The following RBFOX1 variants were observed in gnomAD, a reference collection of about 807,000 sequenced individuals.
The protein encoded by RBFOX1 is RNA binding fox-1 homolog 1.
A neutral mutation model predicts 57.7 loss-of-function variants in RBFOX1; 8 were observed. The ratio of observed to expected loss-of-function variants is 0.14; its 90% CI spans 0.08 to 0.25. RBFOX1 has a LOEUF of 0.25. RBFOX1 is among the 10% of genes least tolerant of loss of function. The pLI, the probability that RBFOX1 is intolerant of heterozygous loss-of-function variation, is 1.00. For missense variants in RBFOX1, 611 were observed against 548.5 expected (o/e 1.11, Z -1.14); for synonymous variants, 326 against 222.4 (o/e 1.47, Z -4.15).
intron 3 of RBFOX1, among the ~76,000 whole-genome samples, chr16:7,021,554 A>G (rs940095015): frequency 4.8e-5 from 7 of 145,206 alleles, no homozygotes; most frequent in Non-Finnish European, 9.1e-5. Flanking sequence ...TTTTATATTT[A>G]TAAAATATAT....
chr16:7,409,696 C>G (rs913061160), intron 4 of RBFOX1, among the ~76,000 whole-genome samples: 1 of 152,160 alleles, frequency 6.6e-6, no homozygotes, highest in Non-Finnish European at 1.5e-5. Flanking sequence ...TTCCCTTAAC[C>G]CCATCACCAC....
intron 2 of RBFOX1, among the ~76,000 whole-genome samples, chr16:5,527,102 A>T (rs2044278247): frequency 6.6e-6 from 1 of 152,208 alleles, no homozygotes; most frequent in Non-Finnish European, 1.5e-5. Flanking sequence ...CAGTCTGGAA[A>T]GAATTAGGTG....
chr16:6,334,924 T>A (rs1358511556), intron 2 of RBFOX1, among the ~76,000 whole-genome samples: 1 of 152,206 alleles, frequency 6.6e-6, no homozygotes, highest in Non-Finnish European at 1.5e-5. Flanking sequence ...GGTTGGTGAA[T>A]GCATTTTAAG....
chr16:7,611,634 C>G (rs920093802), intron 10 of RBFOX1, among the ~76,000 whole-genome samples: 1 of 151,688 alleles, frequency 6.6e-6, no homozygotes, highest in Admixed American at 6.6e-5. Context: ...TTTGACTCCC[C>G]GAGTATGTTT....
At chr16:6,199,392 T>C (rs968454200) in intron 1 of RBFOX1, among the ~76,000 whole-genome samples, 4 of 152,176 alleles carry the variant, frequency 2.6e-5, no homozygotes, top group Non-Finnish European at 4.4e-5. Context: ...GCTGTGACCA[T>C]AGTCTCCCAA....
At chr16:5,738,570 G>T (rs983979132) in intron 3 of RBFOX1, among the ~76,000 whole-genome samples, 3 of 148,034 alleles carry the variant, frequency 2.0e-5, no homozygotes, top group Non-Finnish European at 3.0e-5. Flanking sequence ...GGAGGTGAAG[G>T]TTGCCATGTG....
chr16:6,017,494 A>G (rs528722629), upstream of RBFOX1, among the ~76,000 whole-genome samples: 24 of 152,170 alleles, frequency 1.6e-4, 1 homozygote, highest in Admixed American at 3.3e-4. Context: ...TTTTGCTATC[A>G]CTGAAGGATG....
chr16:6,947,596 G>C (rs1037767757), intron 3 of RBFOX1, among the ~76,000 whole-genome samples: 1 of 152,218 alleles, frequency 6.6e-6, no homozygotes, highest in Admixed American at 6.5e-5. Context: ...GCTGCCTCCT[G>C]CCTTGCGTAG....
intron 4 of RBFOX1, among the ~76,000 whole-genome samples, chr16:7,184,930 G>C (rs1299064240): frequency 8.5e-5 from 13 of 152,124 alleles, no homozygotes; most frequent in African/African-American, 3.1e-4. Context: ...GGTGCCCAAA[G>C]TACGTTTGAT....
intron 2 of RBFOX1, among the ~76,000 whole-genome samples, chr16:5,590,652 T>C (rs1361407381): frequency 6.6e-6 from 1 of 152,164 alleles, no homozygotes; most frequent in African/African-American, 2.4e-5. Context: ...TGAGGAACCA[T>C]ATGGGTGGAG....
intron 1 of RBFOX1, among the ~76,000 whole-genome samples, chr16:5,250,585 A>G (rs58339509): frequency 0.3 from 45,573 of 152,154 alleles, 7,240 homozygotes; most frequent in South Asian, 0.42. Flanking sequence ...GTATTTGCAC[A>G]TAAGTGCTTA....
intron 2 of RBFOX1, among the ~76,000 whole-genome samples, chr16:5,538,050 C>A (rs576561785): frequency 6.6e-6 from 1 of 152,230 alleles, no homozygotes; most frequent in African/African-American, 2.4e-5. Flanking sequence ...TGGTGACACA[C>A]GAGCCTGGAG....
At chr16:5,433,767 G>T (rs1172010422) in intron 1 of RBFOX1, among the ~76,000 whole-genome samples, 7 of 152,160 alleles carry the variant, frequency 4.6e-5, no homozygotes, top group African/African-American at 1.4e-4. Flanking sequence ...GTAGCGTAAG[G>T]TGTCAGGCCC....
At chr16:6,778,725 T>G (rs572129622) in intron 3 of RBFOX1, among the ~76,000 whole-genome samples, 1 of 152,204 alleles carries the variant, frequency 6.6e-6, no homozygotes, top group South Asian at 2.1e-4. Context: ...CTAGATTGTC[T>G]TCCTGAGTCT....
chr16:5,244,301 G>A (rs1420507620), intron 1 of RBFOX1, among the ~76,000 whole-genome samples: 2 of 152,234 alleles, frequency 1.3e-5, no homozygotes, highest in Admixed American at 1.3e-4. Context: ...CTGGTGCGGT[G>A]CAGAGCAGAA....
chr16:7,588,668 G>A (rs1007116851), intron 7 of RBFOX1, among the ~76,000 whole-genome samples: 40 of 152,286 alleles, frequency 2.6e-4, no homozygotes, highest in African/African-American at 8.9e-4. Context: ...TCGGTATCAC[G>A]GAGGGTCAGT....
chr16:5,750,619 C>T (rs568270636), intron 3 of RBFOX1, among the ~76,000 whole-genome samples: 1 of 152,270 alleles, frequency 6.6e-6, no homozygotes, highest in African/African-American at 2.4e-5. Flanking sequence ...TCTCAGACGG[C>T]TGTGCTAGCA....
intron 1 of RBFOX1, among the ~76,000 whole-genome samples, chr16:6,069,041 G>A (rs981549788): frequency 9.2e-5 from 14 of 152,080 alleles, no homozygotes; most frequent in Admixed American, 5.2e-4. Context: ...AGGGAGAAAG[G>A]AAGGGAAGGA....
intron 4 of RBFOX1, among the ~76,000 whole-genome samples, chr16:5,879,787 G>A (rs139628397): frequency 2.6e-5 from 4 of 152,256 alleles, no homozygotes; most frequent in East Asian, 1.9e-4. Context: ...TGTTGACCTC[G>A]CAGTACAGGA....
Sources: gnomAD v4.1 joint callset for allele counts (sites outside exome capture counted in the v4.1 genomes callset) on GRCh38, gnomAD v4.1.1 for gene constraint, MANE v1.5 for transcripts, NCBI Gene and HGNC (gene_info 2026-07-23, HGNC 2026-07-21) for gene names.